CYP46A1: variants seen among roughly 807,000 people sequenced by gnomAD.
CYP46A1 encodes the protein cholesterol 24-hydroxylase.
A neutral mutation model predicts 63.3 loss-of-function variants in CYP46A1; 20 were observed. That is an observed-to-expected ratio of 0.32 (90% CI 0.22 to 0.46). The LOEUF is 0.46. CYP46A1 is among the 20% of genes least tolerant of loss of function. The pLI, the probability that CYP46A1 is intolerant of heterozygous loss-of-function variation, is 1.00. For synonymous variants in CYP46A1, 268 were observed against 273.6 expected (o/e 0.98, Z 0.20); for missense variants, 445 against 670.8 (o/e 0.66, Z 3.72).
At chr14:99,691,675 G>T in intron 2 of CYP46A1, 105 bp from the exon 3 acceptor site, 1 of 1,067,924 alleles carries the variant, frequency 9.4e-7, no homozygotes, top group Non-Finnish European at 1.4e-6. Context: ...AGCATGCATT[G>T]AGCACCTTCT....
At chr14:99,694,634 G>A (rs2056572414) in intron 3 of CYP46A1, among the ~76,000 whole-genome samples, 1 of 151,728 alleles carries the variant, frequency 6.6e-6, no homozygotes, top group African/African-American at 2.4e-5. Flanking sequence ...CGACTAGCTG[G>A]GATTACAGGC....
intron 1 of CYP46A1, among the ~76,000 whole-genome samples, chr14:99,689,861 A>G (rs1452399087): frequency 3.9e-5 from 6 of 152,086 alleles, no homozygotes; most frequent in Non-Finnish European, 8.8e-5. Flanking sequence ...TTCAAACCCA[A>G]GTCAGATCCC....
At chr14:99,684,605 C>CT in intron 1 of CYP46A1, 69 bp downstream of exon 1, 1 of 1,340,282 alleles carries the variant, frequency 7.5e-7, no homozygotes, top group Non-Finnish European at 1.0e-6. Flanking sequence ...GCGTCTAAGC[C>CT]GGCGTCCAGG....
chr14:99,715,117 T>C (rs570456813), intron 7 of CYP46A1, among the ~76,000 whole-genome samples: 4 of 152,308 alleles, frequency 2.6e-5, no homozygotes, highest in South Asian at 2.1e-4. Context: ...CAGCAAGGTA[T>C]TGTATATTTC....
rs2140113157 is a variant in CYP46A1, at chr14:99,691,156, G to A, written c.195G>A (p.Leu65=). Residue 65 remains leucine (L), a synonymous_variant, in exon 2 of 15, where the codon TTG becomes TTA. Coordinates refer to ENST00000261835, the MANE Select transcript of CYP46A1 (RefSeq NM_006668.2). The part of the protein sequence containing the change: ...VGGRVLQDVF[L]DWAKKYGPVV... ...GCCGTGTGCTCCAAGATGTGTTTTT[G>A]GATTGGTGGGTTCTCATTTGTCACT... 1 of 1,614,104 alleles carries A rather than the reference G, an allele frequency of 6.2e-7. No individual in the cohort carries two copies. Among genetic ancestry groups the A allele is most frequent in the Non-Finnish European group, 8.5e-7 (1 of 1,180,012 alleles).
chr14:99,716,237 T>C, intron 9 of CYP46A1, 38 bp downstream of exon 9: 1 of 1,607,518 alleles, frequency 6.2e-7, no homozygotes, highest in Non-Finnish European at 8.5e-7. Context: ...CCCGGAGCTC[T>C]GCAGAAATGC....
intron 3 of CYP46A1, among the ~76,000 whole-genome samples, chr14:99,697,072 G>A (rs572692485): frequency 5.3e-5 from 8 of 152,324 alleles, no homozygotes; most frequent in Non-Finnish European, 8.8e-5. Flanking sequence ...TATTGGCCCC[G>A]TGTAAGCTCT....
chr14:99,711,731 T>C (rs188863849), intron 7 of CYP46A1: 1 of 152,200 alleles, frequency 6.6e-6, no homozygotes, highest in East Asian at 1.9e-4. Flanking sequence ...TCTCAAACTA[T>C]TCCAAAAAAT....
chr14:99,687,548 G>A (rs1367759971), intron 1 of CYP46A1, among the ~76,000 whole-genome samples: 1 of 152,146 alleles, frequency 6.6e-6, no homozygotes, highest in Non-Finnish European at 1.5e-5. Context: ...CACAATCATG[G>A]TCCCTCACCC....
rs776125541 is a variant in CYP46A1 at position 99,706,620 on chromosome 14, C to T, written c.444-27C>T. On this transcript the variant is annotated intron_variant, in intron 5 of 14. Transcript: ENST00000261835. ...TCCACCATATTGGGCTGGCCAGTGG[C>T]CGTTGATGCCTGTGCTGTTTCTCCA... 30 of 1,612,006 alleles carry T rather than the reference C, an allele frequency of 1.9e-5. No homozygotes were observed. In the Middle Eastern group the frequency reaches 5.4e-4, roughly 29 times the overall value.
rs757628267 is a variant in CYP46A1 at position 99,715,902 on chromosome 14, G to C, written c.786G>C (p.Arg262=). ...GCAGGGACTGGGTCCAGCGCCGCCG[G>C]GAAGCCCTGAAGAGGGGCGAGGAGG... ...QVGRDWVQRR[R]EALKRGEEVP... The change falls in exon 8 of 15, where the codon CGG becomes CGC. Residue 262 remains arginine (R), a synonymous_variant. Coordinates refer to ENST00000261835, the MANE Select transcript of CYP46A1 (RefSeq NM_006668.2). 2 of 1,613,890 alleles carry C rather than the reference G, an allele frequency of 1.2e-6. No homozygotes were observed. The highest frequency in any genetic ancestry group is 2.2e-5 in the East Asian group (1 of 44,852).
intron 7 of CYP46A1, among the ~76,000 whole-genome samples, chr14:99,715,332 T>C (rs2056778206): frequency 6.6e-6 from 1 of 152,136 alleles, no homozygotes; most frequent in Non-Finnish European, 1.5e-5. Flanking sequence ...ACATATCACC[T>C]CCTTATTCCA....
intron 5 of CYP46A1, chr14:99,706,299 G>A (rs1051282618): frequency 2.1e-5 from 4 of 191,526 alleles, no homozygotes; most frequent in Non-Finnish European, 4.3e-5. Flanking sequence ...GGGGAACCGG[G>A]ATTGCCCTCT....
intron 1 of CYP46A1, 54 bp downstream of exon 1, chr14:99,684,590 G>A (rs1488462099): frequency 1.4e-6 from 2 of 1,385,858 alleles, no homozygotes; most frequent in Non-Finnish European, 1.9e-6. Flanking sequence ...GGGGGCCTGG[G>A]GACAGCGTCT....
intron 2 of CYP46A1, 136 bp downstream of exon 2, chr14:99,691,297 C>A: frequency 1.2e-6 from 1 of 841,256 alleles, no homozygotes. Flanking sequence ...AGTTCCTCCC[C>A]TGAGTGGAGG....
intron 4 of CYP46A1, 130 bp from the exon 5 acceptor site, chr14:99,699,885 T>A (rs539457134): frequency 4.6e-6 from 3 of 650,552 alleles, no homozygotes; most frequent in South Asian, 1.9e-5. Flanking sequence ...GCCTTCACAA[T>A]GTGGCGCAAC....
intron 5 of CYP46A1, among the ~76,000 whole-genome samples, chr14:99,701,841 A>C (rs1232876826): frequency 6.6e-6 from 1 of 152,180 alleles, no homozygotes; most frequent in African/African-American, 2.4e-5. Flanking sequence ...GGGCCAAGGC[A>C]GGCGGATCAC....
chr14:99,710,333 A>G (rs1020093852), intron 7 of CYP46A1: 3 of 152,204 alleles, frequency 2.0e-5, no homozygotes, highest in Non-Finnish European at 1.5e-5. Flanking sequence ...TTACCTATCA[A>G]TAATAACCTT....
In CYP46A1 at chr14:99,715,781, G is replaced by C. The variant is rs747595135; in HGVS notation, c.694-29G>C. The C allele has an allele frequency of 5.6e-6, 9 of 1,613,952 alleles. No individual in the cohort carries two copies. The East Asian group carries it at 2.0e-4, about 36-fold the overall frequency. On this transcript the variant is annotated intron_variant, in intron 7 of 14. Coordinates refer to ENST00000261835, the MANE Select transcript of CYP46A1 (RefSeq NM_006668.2). ...GGAGAGGGAACATGCGTGTTCACTTGGCCATCTGGAGCTGAAACTCTTGTT... is the reference window on the plus strand; with the variant it reads ...GGAGAGGGAACATGCGTGTTCACTTCGCCATCTGGAGCTGAAACTCTTGTT...
Sources: allele counts gnomAD v4.1 joint callset (sites outside exome capture counted in the v4.1 genomes callset), GRCh38; gene constraint gnomAD v4.1.1; transcripts MANE v1.5; gene names NCBI Gene and HGNC (gene_info 2026-07-23, HGNC 2026-07-21).